The following ARHGAP10 variants were observed in gnomAD, a reference collection of about 807,000 sequenced individuals.
ARHGAP10 encodes rho GTPase-activating protein 10.
ARHGAP10 carries 87 observed loss-of-function variants against 108.6 expected under a neutral mutation model. That is an observed-to-expected ratio of 0.80 (90% CI 0.67 to 0.96). ARHGAP10 has a LOEUF of 0.96. Ranked by LOEUF, ARHGAP10 falls within the 40% of genes least tolerant of loss-of-function variation. ARHGAP10 has a pLI of 0.00. For missense variants in ARHGAP10, 939 were observed against 954.5 expected (o/e 0.98, Z 0.21); for synonymous variants, 347 against 341.1 (o/e 1.02, Z -0.19).
At chr4:147,990,641 G>C (rs1740235306) in intron 18 of ARHGAP10, among the ~76,000 whole-genome samples, 1 of 152,190 alleles carries the variant, frequency 6.6e-6, no homozygotes, top group Non-Finnish European at 1.5e-5. Flanking sequence ...CAACATGGAT[G>C]GAGCTGGAGG....
At chr4:147,771,235 A>G (rs1444578341) in intron 1 of ARHGAP10, among the ~76,000 whole-genome samples, 1 of 152,182 alleles carries the variant, frequency 6.6e-6, no homozygotes, top group Non-Finnish European at 1.5e-5. Flanking sequence ...CTGGGGGGTA[A>G]GGAATTCAAC....
At chr4:147,961,598 T>C (rs1047598174) in intron 16 of ARHGAP10, among the ~76,000 whole-genome samples, 8 of 152,232 alleles carry the variant, frequency 5.3e-5, no homozygotes, top group Non-Finnish European at 8.8e-5. Context: ...TGATCTGCTT[T>C]ACCTCTCTTT....
intron 19 of ARHGAP10, among the ~76,000 whole-genome samples, chr4:148,043,726 A>ATATATATGTGTATATATATG (rs1578820382): frequency 7.3e-6 from 1 of 137,294 alleles, no homozygotes; most frequent in African/African-American, 2.8e-5. Context: ...CATTTTTCAT[A>ATATATATGTGTATATATATG]TATATATGTG....
At chr4:147,739,738 CTTTT>C (rs772201824) in intron 1 of ARHGAP10, among the ~76,000 whole-genome samples, 3 of 137,624 alleles carry the variant, frequency 2.2e-5, no homozygotes, top group Admixed American at 7.4e-5. Context: ...ATATCTTGGG[CTTTT>C]TTTTTTTTTT....
At chr4:147,993,916 C>A (rs566551269) in intron 18 of ARHGAP10, among the ~76,000 whole-genome samples, 1 of 152,358 alleles carries the variant, frequency 6.6e-6, no homozygotes, top group East Asian at 1.9e-4. Flanking sequence ...CTAGTTCATG[C>A]AAACCGTGAA....
intron 8 of ARHGAP10, among the ~76,000 whole-genome samples, chr4:147,876,374 C>T (rs552021545): frequency 3.9e-5 from 6 of 152,260 alleles, no homozygotes; most frequent in African/African-American, 9.6e-5. Flanking sequence ...GGGCAGATCA[C>T]GAGGTCAGGA....
intron 4 of ARHGAP10, among the ~76,000 whole-genome samples, chr4:147,850,668 TC>T (rs1183705468): frequency 3.3e-5 from 5 of 152,136 alleles, no homozygotes; most frequent in South Asian, 2.1e-4. Flanking sequence ...ACTGTAACAC[TC>T]ACTGCGAGGG....
intron 1 of ARHGAP10, among the ~76,000 whole-genome samples, chr4:147,763,101 TAA>T (rs1394823322): frequency 6.6e-6 from 1 of 152,194 alleles, no homozygotes; most frequent in African/African-American, 2.4e-5. Flanking sequence ...AGATGGCTAC[TAA>T]AGAACAGTGG....
intron 19 of ARHGAP10, among the ~76,000 whole-genome samples, chr4:148,024,777 A>G (rs192683419): frequency 8.5e-5 from 13 of 152,292 alleles, no homozygotes; most frequent in Admixed American, 4.6e-4. Flanking sequence ...AGAGTTGTTA[A>G]TAAGGAGTAA....
rs143729061 is a variant in ARHGAP10, at chr4:147,803,449, T to C, written c.155-19278T>C. Among the ~76,000 whole-genome samples, 23 of 152,378 alleles carry C rather than the reference T, an allele frequency of 1.5e-4. No individual in the cohort carries two copies. In the East Asian group the frequency reaches 4.2e-3, roughly 28 times the overall value. On this transcript the variant is annotated intron_variant, in intron 1 of 22. Coordinates refer to ENST00000336498, the MANE Select transcript of ARHGAP10 (RefSeq NM_024605.4). ...TTGCCTCAAACATTTATCATGTGCT[T>C]TGGGAACATTTCATATCTTTTCTTG...
intron 1 of ARHGAP10, among the ~76,000 whole-genome samples, chr4:147,806,908 C>T (rs953322217): frequency 4.6e-5 from 7 of 152,156 alleles, no homozygotes; most frequent in Non-Finnish European, 7.4e-5. Context: ...GTAGGTGCCA[C>T]GAAACTGCCC....
At chr4:147,802,967 C>G (rs1328170792) in intron 1 of ARHGAP10, among the ~76,000 whole-genome samples, 2 of 151,814 alleles carry the variant, frequency 1.3e-5, no homozygotes, top group Admixed American at 6.6e-5. Flanking sequence ...TCTGTAAATT[C>G]TATTTATCAA....
At chr4:147,998,496 T>G (rs766397940) in intron 18 of ARHGAP10, among the ~76,000 whole-genome samples, 2 of 152,246 alleles carry the variant, frequency 1.3e-5, no homozygotes, top group Non-Finnish European at 2.9e-5. Context: ...TTTTGTGACG[T>G]CAGCAGGGCA....
At chr4:147,926,375 G>C (rs1194114612) in intron 13 of ARHGAP10, among the ~76,000 whole-genome samples, 1 of 151,948 alleles carries the variant, frequency 6.6e-6, no homozygotes, top group East Asian at 1.9e-4. Context: ...GATAGGAAGA[G>C]AGACTTCGCA....
intron 19 of ARHGAP10, among the ~76,000 whole-genome samples, chr4:148,031,936 T>C (rs574015763): frequency 6.6e-6 from 1 of 152,306 alleles, no homozygotes; most frequent in Admixed American, 6.5e-5. Flanking sequence ...TGCCACCACT[T>C]ACCTAAATGA....
rs529696777 is a variant in ARHGAP10, at chr4:147,837,926, T to A, written c.313-9225T>A. 2.0e-5 allele frequency among the ~76,000 whole-genome samples: 3 copies of A among 152,228 alleles called. No homozygotes were observed. In the South Asian group the frequency reaches 6.2e-4, roughly 32 times the overall value. On this transcript the variant is annotated intron_variant, in intron 3 of 22. Coordinates refer to ENST00000336498, the MANE Select transcript of ARHGAP10 (RefSeq NM_024605.4). ...CCCAGAAGATTAAACATAATAAAATTGTTTCAGACAACTTGAACACGTATA... is the reference window on the plus strand; with the variant it reads ...CCCAGAAGATTAAACATAATAAAATAGTTTCAGACAACTTGAACACGTATA...
At chr4:147,902,981 C>G (rs1423373431) in intron 10 of ARHGAP10, among the ~76,000 whole-genome samples, 2 of 152,124 alleles carry the variant, frequency 1.3e-5, no homozygotes, top group African/African-American at 2.4e-5. Context: ...TGAGAACTCT[C>G]ATGGAAGCAA....
intron 3 of ARHGAP10, among the ~76,000 whole-genome samples, chr4:147,836,021 A>AT (rs942930600): frequency 6.6e-6 from 1 of 152,100 alleles, no homozygotes; most frequent in Non-Finnish European, 1.5e-5. Context: ...TATGATTCTC[A>AT]TTTTTTCCTA....
At chr4:147,745,403 G>C (rs1728868970) in intron 1 of ARHGAP10, 1 of 152,732 alleles carries the variant, frequency 6.5e-6, no homozygotes, top group South Asian at 2.1e-4. Context: ...TGTTCAGGGT[G>C]GTGTGGCTGT....
Sources: gnomAD v4.1 joint callset for allele counts (sites outside exome capture counted in the v4.1 genomes callset) on GRCh38, gnomAD v4.1.1 for gene constraint, MANE v1.5 for transcripts, NCBI Gene and HGNC (gene_info 2026-07-23, HGNC 2026-07-21) for gene names.